Variants in MCM4 observed in about 807,000 individuals in gnomAD.
MCM4 encodes the protein DNA replication licensing factor MCM4.
A neutral mutation model predicts 88.7 loss-of-function variants in MCM4; 60 were observed. That is an observed-to-expected ratio of 0.68 (90% CI 0.55 to 0.84). The LOEUF is 0.84. Ranked by LOEUF, MCM4 falls within the 40% of genes least tolerant of loss-of-function variation. The pLI is 0.00. For missense variants in MCM4, 1,149 were observed against 1,105.5 expected (o/e 1.04, Z -0.56); for synonymous variants, 465 against 410.5 (o/e 1.13, Z -1.61).
Position 47,974,947 on chromosome 8 carries a change from T to C in MCM4, c.2350T>C (p.Ser784Pro). ...TDPRTGIVDI[S>P]ILTTGMSATS... Reference sequence around the variant, plus strand: ...TCCCCGGACTGGCATCGTGGACATATCTATTCTTACTACGGGTTCGTTATT... The same window carrying C: ...TCCCCGGACTGGCATCGTGGACATACCTATTCTTACTACGGGTTCGTTATT... The change falls in exon 15 of 17, where the codon TCT becomes CCT. Residue 784 changes from serine to proline, a missense_variant. Physicochemically the swap from Ser to Pro is moderately conservative, Grantham distance 74. This residue lies in a region of MCM4 where 238 missense variants were observed against 241.6 expected (regional missense o/e 0.99). Coordinates refer to ENST00000649973, the MANE Select transcript of MCM4 (RefSeq NM_182746.3). 2 of 1,612,592 alleles carry C rather than the reference T, an allele frequency of 1.2e-6. No homozygotes were observed. Among genetic ancestry groups the C allele is most frequent in the Non-Finnish European group, 1.7e-6 (2 of 1,179,016 alleles).
chr8:47,963,658 T>C (rs776326527), intron 7 of MCM4, among the ~76,000 whole-genome samples: 1 of 152,246 alleles, frequency 6.6e-6, no homozygotes, highest in Non-Finnish European at 1.5e-5. Flanking sequence ...GGAAATACTT[T>C]AAATGAATTA....
intron 7 of MCM4, 37 bp downstream of exon 7, chr8:47,963,077 A>C: frequency 8.5e-7 from 1 of 1,170,084 alleles, no homozygotes; most frequent in Non-Finnish European, 1.2e-6. Flanking sequence ...AATTTTAGTA[A>C]CAGTCTAGAA....
intron 7 of MCM4, among the ~76,000 whole-genome samples, 164 bp from the exon 8 acceptor site, chr8:47,964,410 A>T (rs562638570): frequency 6.6e-6 from 1 of 152,332 alleles, no homozygotes; most frequent in South Asian, 2.1e-4. Flanking sequence ...AGAAATAGAT[A>T]GTTCAGCATA....
At chr8:47,970,178 C>T in intron 11 of MCM4, 121 bp downstream of exon 11, 1 of 1,120,632 alleles carries the variant, frequency 8.9e-7, no homozygotes, top group Non-Finnish European at 1.3e-6. Flanking sequence ...CCTGTTAGAG[C>T]AAGTGCTGGC....
rs2090932942 is a variant in MCM4 at position 47,969,667 on chromosome 8, A to G, written c.1175-131A>G. 4 of 806,216 alleles carry G rather than the reference A, an allele frequency of 5.0e-6. No individual in the cohort carries two copies. In the South Asian group the frequency reaches 6.7e-5, roughly 13 times the overall value. The allele number at this position is 806,216 out of a possible 1,614,324, so 49.9% of individuals were successfully genotyped here. A position where few individuals can be genotyped will look rare whatever the true frequency, so the allele number is the denominator to read the frequency against. On this transcript the variant is annotated intron_variant, in intron 10 of 16. Coordinates refer to ENST00000649973, the MANE Select transcript of MCM4 (RefSeq NM_182746.3). ...GGGAGGGTCATTTAAGAGACGGTGGAGCTCACCCTTTCCAGGGCCAGCCCG... is the reference window on the plus strand; with the variant it reads ...GGGAGGGTCATTTAAGAGACGGTGGGGCTCACCCTTTCCAGGGCCAGCCCG...
chr8:47,964,773 T>C, intron 8 of MCM4, 61 bp downstream of exon 8: 3 of 1,348,354 alleles, frequency 2.2e-6, no homozygotes, highest in Non-Finnish European at 3.0e-6. Context: ...GAAAATAGCC[T>C]TGTTTTCATT....
intron 9 of MCM4, 23 bp downstream of exon 9, chr8:47,966,430 C>A: frequency 6.3e-7 from 1 of 1,583,094 alleles, no homozygotes; most frequent in South Asian, 1.1e-5. Context: ...CCTGGCCCCC[C>A]AGGCTATGCT....
Position 47,961,627 on chromosome 8 carries a change from G to C in MCM4, c.182G>C (p.Ser61Thr), listed in dbSNP as rs375186387. 14 of 1,614,056 alleles carry C rather than the reference G, an allele frequency of 8.7e-6. No homozygotes were observed. The highest frequency in any genetic ancestry group is 4.0e-5 in the African/African-American group (3 of 75,046). ...ACCTCGCCTGGAGTGGACCTGCAGAGCCCTGCTGCGCAGGACGTGCTGTTT... is the reference window on the plus strand; with the variant it reads ...ACCTCGCCTGGAGTGGACCTGCAGACCCCTGCTGCGCAGGACGTGCTGTTT... ...MPTSPGVDLQ[S>T]PAAQDVLFSS... is the part of the protein sequence containing the mutation. The change falls in exon 3 of 17, where the codon AGC (serine) becomes ACC (threonine). Residue 61 changes from serine (S) to threonine (T), a missense_variant. By Grantham distance (58) the Ser-to-Thr change is moderately conservative (BLOSUM62 1). This residue lies in a region of MCM4 where 906 missense variants were observed against 843.0 expected (regional missense o/e 1.07). Coordinates refer to ENST00000649973, the MANE Select transcript of MCM4 (RefSeq NM_182746.3).
chr8:47,961,975 A>G (rs950724544), intron 3 of MCM4, 78 bp from the exon 4 acceptor site: 2 of 1,329,078 alleles, frequency 1.5e-6, no homozygotes, highest in African/African-American at 2.9e-5. Flanking sequence ...TTGCGATTAG[A>G]TGGTATAGAT....
intron 12 of MCM4, among the ~76,000 whole-genome samples, 175 bp downstream of exon 12, chr8:47,971,051 T>G (rs2090949183): frequency 6.6e-6 from 1 of 152,222 alleles, no homozygotes; most frequent in Non-Finnish European, 1.5e-5. Context: ...GGTGTCACGT[T>G]TTGTCTTTAT....
At chr8:47,963,599 T>C (rs2090868488) in intron 7 of MCM4, among the ~76,000 whole-genome samples, 1 of 152,228 alleles carries the variant, frequency 6.6e-6, no homozygotes, top group Admixed American at 6.5e-5. Context: ...AAATGATGAA[T>C]CTTAAAACTG....
chr8:47,976,577 A>G (rs1272699438), intron 16 of MCM4, 109 bp from the exon 17 acceptor site: 1 of 761,796 alleles, frequency 1.3e-6, no homozygotes, highest in Admixed American at 2.3e-5. Flanking sequence ...ACAGCCACCA[A>G]AAAGAGAAAG....
rs764609065 is a variant in MCM4, at chr8:47,962,871, C to G, written c.597+12C>G. 9.5e-6 allele frequency: 15 copies of G among 1,584,882 alleles called. No homozygotes were observed. The highest frequency in any genetic ancestry group is 2.2e-5 in the East Asian group (1 of 44,694). On this transcript the variant is annotated intron_variant, in intron 6 of 16. Transcript: ENST00000649973. ...AACGACTTGGGGAGGTAATCAAATA[C>G]TCTTTAAATTCAAGTTACGTGTTTT...
At position 47,962,171 on chromosome 8, in the gene MCM4, G is replaced by C; in HGVS notation, c.354G>C (p.Leu118=). Residue 118 remains leucine (L), a synonymous_variant, in exon 4 of 17, where the codon CTG becomes CTC. Transcript: ENST00000649973. ...RGTPVRQRPD[L]GSAQKGLQVD... is the part of the protein sequence containing the mutation. ...CACCTGTGAGACAGAGGCCTGACCT[G>C]GGCTCTGCACAGAAGGGCCTGCAAG... 6.2e-7 allele frequency: 1 copy of C among 1,614,202 alleles called. No homozygotes were observed. The highest frequency in any genetic ancestry group is 8.5e-7 in the Non-Finnish European group (1 of 1,180,032).
In MCM4 at chr8:47,967,475, G is replaced by A. The variant is rs377654191; in HGVS notation, c.1164G>A (p.Val388=). The change falls in exon 10 of 17, where the codon GTG becomes GTA. Residue 388 remains valine (V), a synonymous_variant. Coordinates refer to ENST00000649973, the MANE Select transcript of MCM4 (RefSeq NM_182746.3). ...ACAAGGTCCAGCCTGGGGACAGAGT[G>A]AATGTTACAGGTAAGAGTGTAGGTT... ...LVDKVQPGDR[V]NVTGIYRAVP... 3.5e-5 allele frequency: 57 copies of A among 1,614,064 alleles called. No homozygotes were observed. The African/African-American group carries it at 7.1e-4, about 20-fold the overall frequency.
chr8:47,970,742 C>G lies in MCM4; in HGVS notation c.1666C>G (p.Leu556Val). 6.2e-7 allele frequency: 1 copy of G among 1,614,228 alleles called. No homozygotes were observed. Among genetic ancestry groups the G allele is most frequent in the Non-Finnish European group, 8.5e-7 (1 of 1,180,056 alleles). Residue 556 changes from leucine (L) to valine (V), a missense_variant, in exon 12 of 17, where the codon CTG becomes GTG. Transcript: ENST00000649973. The part of the protein sequence containing the change: ...YVMKDPETRQ[L>V]VLQTGALVLS... ...AATGAAAGACCCTGAGACAAGGCAG[C>G]TGGTCCTGCAGACAGGTGCTCTTGT...
At chr8:47,975,586 C>G in intron 15 of MCM4, 129 bp from the exon 16 acceptor site, 2 of 568,986 alleles carry the variant, frequency 3.5e-6, no homozygotes, top group Non-Finnish European at 5.6e-6. Flanking sequence ...AAACTCATTC[C>G]CTTCAAATGT....
At chr8:47,967,273 C>T in intron 9 of MCM4, 92 bp from the exon 10 acceptor site, 3 of 1,415,266 alleles carry the variant, frequency 2.1e-6, no homozygotes, top group Non-Finnish European at 2.9e-6. Flanking sequence ...TGCACTGCAG[C>T]CTTATATGGC....
chr8:47,971,667 C>G (rs913476936), intron 13 of MCM4, among the ~76,000 whole-genome samples, 199 bp downstream of exon 13: 2 of 152,116 alleles, frequency 1.3e-5, no homozygotes, highest in Middle Eastern at 3.2e-3. Context: ...ATGTTTACCT[C>G]CCACGCCGTT....
Sources: allele counts gnomAD v4.1 joint callset (sites outside exome capture counted in the v4.1 genomes callset), GRCh38; gene constraint gnomAD v4.1.1; regional missense constraint gnomAD v4.1.1; transcripts MANE v1.5; gene names NCBI Gene and HGNC (gene_info 2026-07-23, HGNC 2026-07-21).